Variants in RARB observed in about 807,000 individuals in gnomAD.
The protein encoded by RARB is retinoic acid receptor beta, also known as HBV-activated protein.
In RARB, 17 loss-of-function variants were observed where a neutral mutation model predicts 51.9. The ratio of observed to expected loss-of-function variants is 0.33; its 90% confidence interval spans 0.22 to 0.49. The LOEUF (loss-of-function observed/expected upper bound fraction) is 0.49, where lower values mean the gene tolerates loss of function less well. Among genes scored for constraint, RARB ranks in the 20% least tolerant of loss-of-function variants. The pLI, the probability that RARB is intolerant of heterozygous loss-of-function variation, is 0.99. For synonymous variants in RARB, 215 were observed against 195.4 expected, an observed-to-expected ratio of 1.10 and a Z score of -0.84; for missense variants, 369 against 550.8, an observed-to-expected ratio of 0.67 and a Z score of 3.30.
chr3:25,097,730 C>A (rs1487329086), intron 3 of RARB, among the ~76,000 whole-genome samples: 2 of 152,160 alleles, frequency 1.3e-5, no homozygotes, highest in Non-Finnish European at 2.9e-5. Context: ...GTTCCAAACT[C>A]CAGTTCACCT....
At chr3:25,128,267 A>G (rs1181150281) in intron 3 of RARB, among the ~76,000 whole-genome samples, 1 of 152,080 alleles carries the variant, frequency 6.6e-6, no homozygotes, top group Non-Finnish European at 1.5e-5. Flanking sequence ...TGACTCTGCA[A>G]AAGCATCTGA....
chr3:25,400,224 C>A (rs533697723), intron 5 of RARB, among the ~76,000 whole-genome samples: 2 of 152,276 alleles, frequency 1.3e-5, no homozygotes, highest in East Asian at 1.9e-4. Context: ...GAGAAGGACA[C>A]TTCCTTCTCC....
intron 5 of RARB, among the ~76,000 whole-genome samples, chr3:25,344,863 T>G (rs2125453305): frequency 6.6e-6 from 1 of 152,314 alleles, no homozygotes; most frequent in African/African-American, 2.4e-5. Flanking sequence ...TATACACATG[T>G]GGGAGCTAGA....
intron 2 of RARB, among the ~76,000 whole-genome samples, chr3:24,882,051 A>G (rs1347803461): frequency 1.3e-5 from 2 of 152,236 alleles, no homozygotes; most frequent in African/African-American, 4.8e-5. Flanking sequence ...TGAAAAAATG[A>G]AAGTCTAATA....
At chr3:25,479,535 T>A (rs534464813) in intron 2 of RARB, among the ~76,000 whole-genome samples, 5 of 152,254 alleles carry the variant, frequency 3.3e-5, no homozygotes, top group Non-Finnish European at 7.3e-5. Context: ...GTTCGAATCC[T>A]TATAAGTACA....
intron 3 of RARB, among the ~76,000 whole-genome samples, chr3:25,566,049 G>A (rs1352889645): frequency 6.6e-6 from 1 of 152,150 alleles, no homozygotes; most frequent in Non-Finnish European, 1.5e-5. Flanking sequence ...TGACCACGAG[G>A]CCTCAAAGGG....
chr3:25,314,458 GT>G (rs1559354135), intron 5 of RARB, among the ~76,000 whole-genome samples: 2 of 152,286 alleles, frequency 1.3e-5, no homozygotes, highest in East Asian at 3.9e-4. Context: ...CAGGAGAGCT[GT>G]AAGATTTTAA....
rs142909269 is a variant in RARB at position 24,909,895 on chromosome 3, CTG to C, written c.-380+51153_-380+51154del. Reference sequence around the variant, plus strand: ...TCTATATTTGCCAAGTAACATGTCTCTGTGTGTGTGTTTGTATTTATTCTCCA... The same window carrying C: ...TCTATATTTGCCAAGTAACATGTCTCTGTGTGTGTTTGTATTTATTCTCCA... On this transcript the variant is annotated intron_variant, in intron 2 of 11. Coordinates refer to the RARB transcript ENST00000383772. 6.5e-3 allele frequency among the ~76,000 whole-genome samples: 989 copies of C among 152,144 alleles called. 11 individuals are homozygous for C. Among genetic ancestry groups the C allele is most frequent in the African/African-American group, 0.021 (852 of 41,516 alleles).
chr3:25,036,086 AT>A (rs1048407448), intron 2 of RARB, among the ~76,000 whole-genome samples: 3 of 151,986 alleles, frequency 2.0e-5, no homozygotes, highest in Admixed American at 6.6e-5. Flanking sequence ...ACAAGTATTT[AT>A]TTTTTTTATT....
At chr3:25,137,539 T>A (rs2125335680) in intron 4 of RARB, among the ~76,000 whole-genome samples, 1 of 152,170 alleles carries the variant, frequency 6.6e-6, no homozygotes, top group Admixed American at 6.5e-5. Context: ...GAGTTTTGAT[T>A]TTAGTAGAAA....
At chr3:24,889,675 AGTGTGTGTGTGTGTGT>A (rs71057686) in intron 2 of RARB, among the ~76,000 whole-genome samples, 10 of 142,952 alleles carry the variant, frequency 7.0e-5, no homozygotes, top group Admixed American at 7.0e-5. Flanking sequence ...CACCTCTTAA[AGTGTGTGTGTGTGTGT>A]GTGTGTGTGT....
At chr3:24,997,589 T>C (rs1308209371) in intron 2 of RARB, among the ~76,000 whole-genome samples, 1 of 152,172 alleles carries the variant, frequency 6.6e-6, no homozygotes, top group African/African-American at 2.4e-5. Flanking sequence ...TTCACCATGT[T>C]AGCCAGGCTG....
intron 4 of RARB, among the ~76,000 whole-genome samples, chr3:25,160,789 G>A (rs1700461362): frequency 6.6e-6 from 1 of 152,176 alleles, no homozygotes; most frequent in African/African-American, 2.4e-5. Context: ...AGAAGGATCT[G>A]CAAGGAGAAC....
chr3:25,267,954 T>A (rs1431200109), intron 5 of RARB, among the ~76,000 whole-genome samples: 1 of 152,192 alleles, frequency 6.6e-6, no homozygotes, highest in African/African-American at 2.4e-5. Context: ...TATTCTTAAT[T>A]TGGATAATCT....
At chr3:24,939,137 G>C (rs962119817) in intron 2 of RARB, among the ~76,000 whole-genome samples, 1 of 151,900 alleles carries the variant, frequency 6.6e-6, no homozygotes, top group Non-Finnish European at 1.5e-5. Context: ...CGTGCACCAC[G>C]ATATCTGGCT....
At chr3:25,375,221 C>T (rs113264205) in intron 5 of RARB, among the ~76,000 whole-genome samples, 5,305 of 152,274 alleles carry the variant, frequency 0.035, 123 homozygotes, top group Middle Eastern at 0.065. Flanking sequence ...GCAATAAATA[C>T]AGGACCCTAT....
intron 5 of RARB, among the ~76,000 whole-genome samples, chr3:25,192,036 A>G (rs569004338): frequency 1.3e-5 from 2 of 152,232 alleles, no homozygotes; most frequent in Middle Eastern, 3.4e-3. Context: ...GCTTTGCAAA[A>G]GTGTAACAAT....
intron 5 of RARB, among the ~76,000 whole-genome samples, chr3:25,180,945 TG>T (rs1486423576): frequency 6.6e-5 from 10 of 152,318 alleles, no homozygotes; most frequent in Middle Eastern, 6.8e-3. Flanking sequence ...ACATTTCTTT[TG>T]CTACATATAT....
intron 5 of RARB, among the ~76,000 whole-genome samples, chr3:25,342,866 T>C (rs1301556432): frequency 6.6e-6 from 1 of 152,100 alleles, no homozygotes; most frequent in African/African-American, 2.4e-5. Flanking sequence ...TCTAAAGTGG[T>C]AGAGGTTGTA....
Sources: gnomAD v4.1 joint callset for allele counts (sites outside exome capture counted in the v4.1 genomes callset) on GRCh38, gnomAD v4.1.1 for gene constraint, MANE v1.5 for transcripts, NCBI Gene and HGNC (gene_info 2026-07-23, HGNC 2026-07-21) for gene names.